ZNF804A: variants seen among roughly 807,000 people sequenced by gnomAD.
ZNF804A encodes zinc finger protein 804A.
A neutral mutation model predicts 16.5 loss-of-function variants in ZNF804A; 2 were observed. The observed-to-expected ratio is 0.12, with a 90% confidence interval of 0.05 to 0.38. ZNF804A has a LOEUF of 0.38. Ranked by LOEUF, ZNF804A falls within the 10% of genes least tolerant of loss-of-function variation. ZNF804A has a pLI of 0.99. For synonymous variants in ZNF804A, 534 were observed against 489.6 expected (o/e 1.09, Z -1.20); for missense variants, 1,473 against 1,390.7 (o/e 1.06, Z -0.94).
chr2:184,639,806 TC>T (rs1691763628), intron 1 of ZNF804A, among the ~76,000 whole-genome samples: 1 of 151,904 alleles, frequency 6.6e-6, no homozygotes, highest in African/African-American at 2.4e-5. Flanking sequence ...ATTGAGACCA[TC>T]CTGGTTAATA....
At chr2:184,601,119 AAAG>A (rs1381016683) in intron 1 of ZNF804A, among the ~76,000 whole-genome samples, 4 of 152,084 alleles carry the variant, frequency 2.6e-5, no homozygotes, top group Admixed American at 6.5e-5. Context: ...CACTGACTGA[AAAG>A]AAGTAAATTT....
At chr2:184,858,708 C>T (rs1165928221) in intron 1 of ZNF804A, among the ~76,000 whole-genome samples, 1 of 151,924 alleles carries the variant, frequency 6.6e-6, no homozygotes. Flanking sequence ...GGTCTATACA[C>T]CAGCATTACA....
chr2:184,867,244 T>C (rs2105811701), intron 2 of ZNF804A, among the ~76,000 whole-genome samples: 1 of 152,236 alleles, frequency 6.6e-6, no homozygotes, highest in East Asian at 1.9e-4. Context: ...TCATTCATTG[T>C]TTAGCTAACT....
chr2:184,827,762 G>T (rs944546403), intron 1 of ZNF804A, among the ~76,000 whole-genome samples: 5 of 151,126 alleles, frequency 3.3e-5, no homozygotes, highest in African/African-American at 1.2e-4. Flanking sequence ...CTTTTTTATG[G>T]TTGAGTGGTG....
At chr2:184,873,090 T>A (rs1695999291) in intron 2 of ZNF804A, among the ~76,000 whole-genome samples, 1 of 152,188 alleles carries the variant, frequency 6.6e-6, no homozygotes, top group Admixed American at 6.5e-5. Flanking sequence ...ACAAAATCAA[T>A]GTCAGATGAA....
intron 1 of ZNF804A, among the ~76,000 whole-genome samples, chr2:184,754,527 T>C (rs567559267): frequency 6.6e-6 from 1 of 152,016 alleles, no homozygotes; most frequent in South Asian, 2.1e-4. Context: ...ATTTCAGCTA[T>C]TGGTTTCTTT....
At position 184,936,412 on chromosome 2, in the gene ZNF804A, G is replaced by A. The variant is rs1553490284; in HGVS notation, c.1016G>A (p.Ser339Asn). The A allele has an allele frequency of 2.5e-6, 4 of 1,613,888 alleles. No individual in the cohort carries two copies. Among genetic ancestry groups the A allele is most frequent in the Admixed American group, 1.7e-5 (1 of 59,950 alleles). ...VPLADQIPLE[S>N]VVINEDIPVS... is the part of the protein sequence containing the mutation. ...TTAGCAGATCAAATACCACTAGAGAGTGTTGTTATTAATGAAGACATACCT... is the reference window on the plus strand; with the variant it reads ...TTAGCAGATCAAATACCACTAGAGAATGTTGTTATTAATGAAGACATACCT... Residue 339 changes from serine (S) to asparagine (N), a missense_variant, in exon 4 of 4, where the codon AGT becomes AAT. Ser to Asn is a conservative substitution (Grantham distance 46, BLOSUM62 1). Coordinates refer to ENST00000302277, the MANE Select transcript of ZNF804A (RefSeq NM_194250.2).
At chr2:184,935,500 T>C (rs1458847096) in intron 3 of ZNF804A, among the ~76,000 whole-genome samples, 1 of 152,144 alleles carries the variant, frequency 6.6e-6, no homozygotes, top group African/African-American at 2.4e-5. Context: ...AGGTAGACAA[T>C]TTTGGTCAGA....
At chr2:184,881,386 A>T (rs530973443) in intron 2 of ZNF804A, among the ~76,000 whole-genome samples, 42 of 151,932 alleles carry the variant, frequency 2.8e-4, no homozygotes, top group Non-Finnish European at 3.8e-4. Flanking sequence ...ACTTACTTAG[A>T]TTTGAATCAA....
intron 2 of ZNF804A, among the ~76,000 whole-genome samples, chr2:184,870,022 T>C (rs13401381): frequency 0.43 from 65,163 of 151,822 alleles, 16,852 homozygotes; most frequent in East Asian, 0.82. Flanking sequence ...TTTAACTTTG[T>C]AACTCAAAAG....
At chr2:184,745,171 A>C (rs1181109566) in intron 1 of ZNF804A, among the ~76,000 whole-genome samples, 1 of 151,822 alleles carries the variant, frequency 6.6e-6, no homozygotes, top group Non-Finnish European at 1.5e-5. Flanking sequence ...GATAATATGC[A>C]CAATGCCCAG....
At chr2:184,715,801 A>G (rs1574176965) in intron 1 of ZNF804A, among the ~76,000 whole-genome samples, 2 of 152,128 alleles carry the variant, frequency 1.3e-5, no homozygotes, top group South Asian at 2.1e-4. Flanking sequence ...ATTAATTTCT[A>G]AAAGAAACAC....
chr2:184,786,605 G>A (rs1352968362), intron 1 of ZNF804A, among the ~76,000 whole-genome samples: 2 of 151,902 alleles, frequency 1.3e-5, no homozygotes, highest in East Asian at 1.9e-4. Flanking sequence ...CCAGGTCATC[G>A]CCCTTTCTCC....
chr2:184,636,423 CTGTGTGTG>C (rs746003358), intron 1 of ZNF804A, among the ~76,000 whole-genome samples: 2 of 99,148 alleles, frequency 2.0e-5, no homozygotes, highest in South Asian at 3.5e-4. Flanking sequence ...GGCTCTAGGG[CTGTGTGTG>C]TGTGTGTGTG....
At chr2:184,857,540 T>G (rs1695717885) in intron 1 of ZNF804A, among the ~76,000 whole-genome samples, 1 of 152,152 alleles carries the variant, frequency 6.6e-6, no homozygotes, top group African/African-American at 2.4e-5. Context: ...ATTGATTTTC[T>G]GTCTGAATGA....
At chr2:184,652,565 T>C (rs1170307711) in intron 1 of ZNF804A, among the ~76,000 whole-genome samples, 2 of 152,144 alleles carry the variant, frequency 1.3e-5, no homozygotes, top group African/African-American at 4.8e-5. Flanking sequence ...TCTTGGCTAA[T>C]TCCTAGGGCA....
chr2:184,685,346 A>G (rs868587779), intron 1 of ZNF804A, among the ~76,000 whole-genome samples: 1 of 151,954 alleles, frequency 6.6e-6, no homozygotes, highest in African/African-American at 2.4e-5. Flanking sequence ...GAGATTCCCT[A>G]TGTTTAGGCT....
chr2:184,626,366 C>A (rs1255125225), intron 1 of ZNF804A, among the ~76,000 whole-genome samples: 1 of 151,868 alleles, frequency 6.6e-6, no homozygotes, highest in Admixed American at 6.6e-5. Flanking sequence ...AAAGACTGCA[C>A]GAAAATTATT....
intron 1 of ZNF804A, among the ~76,000 whole-genome samples, chr2:184,680,133 G>C (rs1015191331): frequency 6.6e-6 from 1 of 152,168 alleles, no homozygotes; most frequent in African/African-American, 2.4e-5. Context: ...CCTGTCTGCT[G>C]AGAGCTGAAC....
Sources: allele counts gnomAD v4.1 joint callset (sites outside exome capture counted in the v4.1 genomes callset), GRCh38; gene constraint gnomAD v4.1.1; transcripts MANE v1.5; gene names NCBI Gene and HGNC (gene_info 2026-07-23, HGNC 2026-07-21).